The following FREM2 variants were observed in gnomAD, a reference collection of about 807,000 sequenced individuals.
The protein encoded by FREM2 is FRAS1-related extracellular matrix protein 2.
FREM2 carries 119 observed loss-of-function variants against 219.9 expected under a neutral mutation model. The ratio of observed to expected loss-of-function variants is 0.54; its 90% CI spans 0.47 to 0.63. The LOEUF (loss-of-function observed/expected upper bound fraction) is 0.63. Among genes scored for constraint, FREM2 ranks in the 30% least tolerant of loss-of-function variants. FREM2 has a pLI of 0.00. For synonymous variants in FREM2, 1,562 were observed against 1,522.8 expected (o/e 1.03, Z -0.60); for missense variants, 4,030 against 3,993.6 (o/e 1.01, Z -0.25).
intron 3 of FREM2, among the ~76,000 whole-genome samples, 181 bp from the exon 4 acceptor site, chr13:38,769,397 C>A (rs570723489): frequency 6.6e-6 from 1 of 152,248 alleles, no homozygotes; most frequent in Admixed American, 6.5e-5. Flanking sequence ...TCACAAACTA[C>A]CCAACACCTA....
At chr13:38,770,638 A>T (rs375282684) in intron 4 of FREM2, among the ~76,000 whole-genome samples, 11 of 152,268 alleles carry the variant, frequency 7.2e-5, no homozygotes, top group African/African-American at 2.6e-4. Flanking sequence ...ATGTTTCCAC[A>T]TTTGTGGCAT....
In FREM2 at chr13:38,757,637, C is replaced by T. The variant is rs143352954; in HGVS notation, c.5264-6667C>T. Among the ~76,000 whole-genome samples, 647 of 151,846 alleles carry T rather than the reference C, an allele frequency of 4.3e-3. 5 individuals carry two copies. Among genetic ancestry groups the T allele is most frequent in the African/African-American group, 0.015 (614 of 41,344 alleles). On this transcript the variant is annotated intron_variant, in intron 2 of 23. Coordinates refer to ENST00000280481, the MANE Select transcript of FREM2 (RefSeq NM_207361.6). ...TTACATGATGTCTTGCTCTGTTGCC[C>T]AGTCTAGAGTGCAGTGGTGTGATCT...
In FREM2 at chr13:38,880,509, A is replaced by T. The variant is rs773518333; in HGVS notation, c.9232A>T (p.Ile3078Phe). ...CAGTCGAGGAACAAACATCCAGCAC[A>T]TTGCCCTGGACCGCACCAAGAGGCA... is the stretch of plus-strand genomic sequence containing the variant. ...ENSRGTNIQH[I>F]ALDRTKRQIP... The change falls in exon 24 of 24, where the codon ATT becomes TTT. Residue 3078 changes from isoleucine to phenylalanine, a missense_variant. Physicochemically the swap from Ile to Phe is conservative, Grantham distance 21. This residue lies in a region of FREM2 where 928 missense variants were observed against 1,042.9 expected (regional missense o/e 0.89). Coordinates refer to ENST00000280481, the MANE Select transcript of FREM2 (RefSeq NM_207361.6). 2.5e-6 allele frequency: 4 copies of T among 1,614,020 alleles called. No homozygotes were observed. The highest frequency in any genetic ancestry group is 3.3e-5 in the Admixed American group (2 of 60,004).
At chr13:38,713,522 G>A (rs1180144289) in intron 2 of FREM2, among the ~76,000 whole-genome samples, 8 of 152,140 alleles carry the variant, frequency 5.3e-5, no homozygotes, top group Non-Finnish European at 1.2e-4. Flanking sequence ...ATTAGATTGT[G>A]TTATATGTTT....
At position 38,692,448 on chromosome 13, in the gene FREM2, G is replaced by A. The variant is rs751945348; in HGVS notation, c.5104G>A (p.Glu1702Lys). Reference protein sequence around the residue: ...LHISLRFIVTEAPQHGYLLNL... With the variant: ...LHISLRFIVTKAPQHGYLLNL... ...CATTTCTCTTAGATTTATCGTGACA[G>A]AGGCCCCTCAACATGGATATCTTCT... The change falls in exon 1 of 24, where the codon GAG becomes AAG. Residue 1702 changes from glutamate (E) to lysine (K), a missense_variant. Physicochemically the swap from Glu to Lys is moderately conservative, Grantham distance 56. Transcript: ENST00000280481. 4.3e-6 allele frequency: 7 copies of A among 1,613,948 alleles called. No homozygotes were observed. Among genetic ancestry groups the A allele is most frequent in the Non-Finnish European group, 5.9e-6 (7 of 1,179,970 alleles).
chr13:38,827,411 C>T (rs1192739171), intron 6 of FREM2: 2 of 151,966 alleles, frequency 1.3e-5, no homozygotes, highest in Non-Finnish European at 2.9e-5. Flanking sequence ...TCTCACATAC[C>T]TGATGAGATT....
rs1869511486 is a variant in FREM2 at position 38,687,432 on chromosome 13, C to T, written c.88C>T (p.Leu30=). Residue 30 remains leucine, a synonymous_variant, in exon 1 of 24, where the codon CTG becomes TTG. Transcript: ENST00000280481. ...ACCAGGACCGCCACCGCCGCCCCGG[C>T]TGCTGCTGCTGCTGCTGCTTCTCCT... is the stretch of plus-strand genomic sequence containing the variant. ...FQPGPPPPPR[L]LLLLLLLLSL... 2 of 1,577,968 alleles carry T rather than the reference C, an allele frequency of 1.3e-6. No homozygotes were observed. Among genetic ancestry groups the T allele is most frequent in the Non-Finnish European group, 8.6e-7 (1 of 1,161,610 alleles).
chr13:38,722,579 C>T (rs1871325489), intron 2 of FREM2, among the ~76,000 whole-genome samples: 1 of 151,972 alleles, frequency 6.6e-6, no homozygotes, highest in Non-Finnish European at 1.5e-5. Flanking sequence ...AGGGTGTCTT[C>T]TAACACAGAT....
intron 2 of FREM2, among the ~76,000 whole-genome samples, chr13:38,736,579 C>A (rs1438890734): frequency 6.6e-6 from 1 of 152,000 alleles, no homozygotes; most frequent in African/African-American, 2.4e-5. Context: ...TCTTTCTATC[C>A]ACTGTCAGGT....
intron 2 of FREM2, among the ~76,000 whole-genome samples, chr13:38,747,746 C>G (rs1872546989): frequency 6.6e-6 from 1 of 152,106 alleles, no homozygotes; most frequent in African/African-American, 2.4e-5. Context: ...TTGATATTCT[C>G]ATGGGAAACA....
chr13:38,795,106 TA>T (rs1313667303), intron 6 of FREM2, among the ~76,000 whole-genome samples: 3 of 152,006 alleles, frequency 2.0e-5, no homozygotes, highest in African/African-American at 7.2e-5. Context: ...TCAAAAGGAT[TA>T]AAATATAAGT....
intron 3 of FREM2, among the ~76,000 whole-genome samples, chr13:38,764,934 G>A (rs1418238462): frequency 2.6e-5 from 4 of 152,076 alleles, no homozygotes; most frequent in African/African-American, 7.2e-5. Flanking sequence ...TGTTTGAGAC[G>A]GAGGCTCGCT....
chr13:38,770,023 A>G (rs1030577980), intron 4 of FREM2, among the ~76,000 whole-genome samples: 1 of 148,424 alleles, frequency 6.7e-6, no homozygotes, highest in African/African-American at 2.4e-5. Context: ...TATGTATAAT[A>G]TATAAATATT....
chr13:38,847,009 C>T (rs1259467137), intron 7 of FREM2, among the ~76,000 whole-genome samples: 1 of 152,066 alleles, frequency 6.6e-6, no homozygotes, highest in Non-Finnish European at 1.5e-5. Flanking sequence ...CTCAGCAAAT[C>T]TAGTATTGCT....
intron 2 of FREM2, among the ~76,000 whole-genome samples, chr13:38,758,093 C>T (rs1039950979): frequency 2.4e-4 from 37 of 152,166 alleles, no homozygotes; most frequent in African/African-American, 8.0e-4. Context: ...TAGTCTAAAG[C>T]TTGTCATCCC....
At position 38,878,268 on chromosome 13, in the gene FREM2, GA is replaced by G. The variant is rs1878417516; in HGVS notation, c.8808del (p.Glu2936AspfsTer5). 6.2e-7 allele frequency: 1 copy of G among 1,613,600 alleles called. No homozygotes were observed. Among genetic ancestry groups the G allele is most frequent in the Non-Finnish European group, 8.5e-7 (1 of 1,179,850 alleles). On this transcript the variant is annotated frameshift_variant, in exon 22 of 24. Transcript: ENST00000280481. LOFTEE classifies it high-confidence loss of function. The part of the protein sequence containing the change: ...YVPKYSPMNA[E>X]YGCLADSPSL... ...TCCCAAGTATAGTCCAATGAATGCA[GA>G]ATATGGCTGCTTAGCCGACTCTCCT...
intron 2 of FREM2, among the ~76,000 whole-genome samples, chr13:38,760,491 CTTTAGTCAT>C (rs1165246594): frequency 6.6e-6 from 1 of 152,174 alleles, no homozygotes; most frequent in Non-Finnish European, 1.5e-5. Flanking sequence ...TTAAATAGCC[CTTTAGTCAT>C]CAATAATCCC....
rs1353288600 is a variant in FREM2 at position 38,813,517 on chromosome 13, TC to T, written c.6019+28711del. On this transcript the variant is annotated intron_variant, in intron 6 of 23. Coordinates refer to ENST00000280481, the MANE Select transcript of FREM2 (RefSeq NM_207361.6). ...CTCTCTCTCTCTCTCTCTCTCTCTCTCCTCTCTCTCTCTCTCTCTCTCTCTC... is the reference window on the plus strand; with the variant it reads ...CTCTCTCTCTCTCTCTCTCTCTCTCTCTCTCTCTCTCTCTCTCTCTCTCTC... Among the ~76,000 whole-genome samples, 17 of 4,642 alleles carry T rather than the reference TC, an allele frequency of 3.7e-3. 2 individuals are homozygous for T. The highest frequency in any genetic ancestry group is 9.2e-3 in the East Asian group (2 of 218). 3.0% of individuals were successfully genotyped at this position (4,642 alleles called of 152,430 possible).
At chr13:38,862,516 G>C (rs1216794058) in intron 15 of FREM2, among the ~76,000 whole-genome samples, 1 of 152,186 alleles carries the variant, frequency 6.6e-6, no homozygotes, top group African/African-American at 2.4e-5. Context: ...CTAGGGCTTG[G>C]CTTTGCGTTT....
Sources: allele counts gnomAD v4.1 joint callset (sites outside exome capture counted in the v4.1 genomes callset), GRCh38; gene constraint gnomAD v4.1.1; regional missense constraint gnomAD v4.1.1; transcripts MANE v1.5; gene names NCBI Gene and HGNC (gene_info 2026-07-23, HGNC 2026-07-21).